CSE1L: variants seen among roughly 807,000 people sequenced by gnomAD.
CSE1L encodes the protein exportin-2.
A neutral mutation model predicts 120.4 loss-of-function variants in CSE1L; 24 were observed. The ratio of observed to expected loss-of-function variants is 0.20; its 90% CI spans 0.14 to 0.28. The LOEUF (loss-of-function observed/expected upper bound fraction) is 0.28. CSE1L is among the 10% of genes least tolerant of loss of function. CSE1L has a pLI of 1.00. For synonymous variants in CSE1L, 402 were observed against 398.3 expected (o/e 1.01, Z -0.11); for missense variants, 830 against 1,145.2 (o/e 0.72, Z 3.97).
chr20:49,072,881 C>T (rs2091943229), intron 10 of CSE1L, among the ~76,000 whole-genome samples, 184 bp downstream of exon 10: 1 of 152,096 alleles, frequency 6.6e-6, no homozygotes, highest in African/African-American at 2.4e-5. Context: ...AGGGTTTTCT[C>T]ATGGAAATAT....
At chr20:49,086,408 C>T (rs891456416) in intron 16 of CSE1L, among the ~76,000 whole-genome samples, 1 of 132,066 alleles carries the variant, frequency 7.6e-6, no homozygotes, top group African/African-American at 3.0e-5. Context: ...TCTTGTTGCC[C>T]AGGCTGGAGT....
At chr20:49,094,557 C>T (rs557211623) in intron 23 of CSE1L, among the ~76,000 whole-genome samples, 175 bp from the exon 24 acceptor site, 32 of 152,268 alleles carry the variant, frequency 2.1e-4, no homozygotes, top group African/African-American at 6.5e-4. Context: ...ACTAAACTGA[C>T]TTATCTTTAA....
In CSE1L at chr20:49,078,577, C is replaced by A; in HGVS notation, c.1437C>A (p.Val479=). 1 of 1,576,244 alleles carries A rather than the reference C, an allele frequency of 6.3e-7. No homozygotes were observed. Among genetic ancestry groups the A allele is most frequent in the South Asian group, 1.2e-5 (1 of 84,596 alleles). ...LKSANVNEFP[V]LKADGIKYIM... ...TTTATATAGTGAATGAATTTCCTGT[C>A]CTTAAAGCTGACGGTATCAAATATA... is the stretch of plus-strand genomic sequence containing the variant. The change falls in exon 14 of 25, where the codon GTC becomes GTA. Residue 479 remains valine (V), a synonymous_variant. Coordinates refer to ENST00000262982, the MANE Select transcript of CSE1L (RefSeq NM_001316.4).
chr20:49,068,436 A>G (rs1270731420), intron 6 of CSE1L, among the ~76,000 whole-genome samples: 1 of 152,014 alleles, frequency 6.6e-6, no homozygotes, highest in Non-Finnish European at 1.5e-5. Context: ...AAAATACAAA[A>G]AACAAAAACA....
intron 1 of CSE1L, among the ~76,000 whole-genome samples, chr20:49,057,929 G>A (rs2091821824): frequency 6.6e-6 from 1 of 151,980 alleles, no homozygotes. Flanking sequence ...ACCATGCCCG[G>A]CTTCAATTTT....
At chr20:49,047,378 G>C (rs1258579609) in intron 1 of CSE1L, among the ~76,000 whole-genome samples, 1 of 151,980 alleles carries the variant, frequency 6.6e-6, no homozygotes, top group East Asian at 1.9e-4. Context: ...CTTAGCCAGT[G>C]TGGCTTTCTG....
intron 16 of CSE1L, 47 bp from the exon 17 acceptor site, chr20:49,087,962 A>C: frequency 7.6e-7 from 1 of 1,315,958 alleles, no homozygotes; most frequent in East Asian, 2.3e-5. Flanking sequence ...TCTTATTCTG[A>C]AGTTTAACTA....
intron 12 of CSE1L, among the ~76,000 whole-genome samples, chr20:49,076,517 TCTC>T (rs1257403965): frequency 7.6e-6 from 1 of 131,802 alleles, no homozygotes; most frequent in Non-Finnish European, 1.6e-5. Context: ...TGTCCCTCTC[TCTC>T]TTTTTTTTTT....
Position 49,075,505 on chromosome 20 carries a change from A to T in CSE1L, c.1320A>T (p.Lys440Asn). 6.2e-7 allele frequency: 1 copy of T among 1,614,102 alleles called. No homozygotes were observed. The highest frequency in any genetic ancestry group is 8.5e-7 in the Non-Finnish European group (1 of 1,179,964). ...AIYLVTSLAS[K>N]AQTQKHGITQ... ...ACCTAGTGACATCTTTGGCATCAAA[A>T]GCCCAAACACAGAAGGTAAATATTT... The change falls in exon 12 of 25, where the codon AAA (lysine) becomes AAT (asparagine). Residue 440 changes from lysine to asparagine, a missense_variant. By Grantham distance (94) the Lys-to-Asn change is moderately conservative. Transcript: ENST00000262982.
At chr20:49,093,079 G>A (rs891708992) in intron 22 of CSE1L, among the ~76,000 whole-genome samples, 2 of 152,084 alleles carry the variant, frequency 1.3e-5, no homozygotes, top group South Asian at 2.1e-4. Flanking sequence ...AAATTTCTTC[G>A]GGGACAGTTA....
chr20:49,046,651 G>A (rs988116219), intron 1 of CSE1L, among the ~76,000 whole-genome samples: 1 of 152,246 alleles, frequency 6.6e-6, no homozygotes, highest in African/African-American at 2.4e-5. Flanking sequence ...CCCAGGTGCG[G>A]CGACCCCAGG....
chr20:49,086,482 C>T (rs777883947), intron 16 of CSE1L, among the ~76,000 whole-genome samples: 2 of 151,172 alleles, frequency 1.3e-5, no homozygotes, highest in Non-Finnish European at 2.9e-5. Context: ...TCGCCTGCCT[C>T]AGCCTCCCGA....
At chr20:49,077,210 A>C in intron 13 of CSE1L, 146 bp downstream of exon 13, 2 of 527,668 alleles carry the variant, frequency 3.8e-6, no homozygotes, top group Non-Finnish European at 6.4e-6. Context: ...CCCAGGCTGG[A>C]GTGCAGTGGC....
intron 5 of CSE1L, among the ~76,000 whole-genome samples, chr20:49,066,726 G>C (rs190778635): frequency 6.3e-4 from 95 of 151,938 alleles, no homozygotes; most frequent in Middle Eastern, 3.4e-3. Context: ...TAAACTGCTT[G>C]ATCCCTTTAA....
chr20:49,074,644 A>G, intron 10 of CSE1L, 141 bp from the exon 11 acceptor site: 1 of 536,750 alleles, frequency 1.9e-6, no homozygotes, highest in Non-Finnish European at 3.3e-6. Flanking sequence ...ATAATGATTA[A>G]GAGTATATGA....
intron 19 of CSE1L, 37 bp downstream of exon 19, chr20:49,089,783 G>A (rs2092087204): frequency 6.3e-7 from 1 of 1,584,168 alleles, no homozygotes. Flanking sequence ...ATTTTATAAA[G>A]TAGCTTGGAG....
At chr20:49,088,800 C>G (rs1378263972) in intron 17 of CSE1L, among the ~76,000 whole-genome samples, 1 of 152,060 alleles carries the variant, frequency 6.6e-6, no homozygotes, top group East Asian at 1.9e-4. Context: ...ATCTCATGTT[C>G]TGATTGAGTT....
chr20:49,076,047 G>A (rs1173866834), intron 12 of CSE1L, among the ~76,000 whole-genome samples: 1 of 152,136 alleles, frequency 6.6e-6, no homozygotes, highest in Non-Finnish European at 1.5e-5. Context: ...GGTCAGGATG[G>A]TCTCAAATTC....
intron 21 of CSE1L, 113 bp from the exon 22 acceptor site, chr20:49,091,933 T>A (rs760615772): frequency 5.7e-5 from 37 of 650,856 alleles, no homozygotes; most frequent in Non-Finnish European, 9.8e-5. Flanking sequence ...CAGGTATTGA[T>A]GCCACAGCCT....
Sources: allele counts gnomAD v4.1 joint callset (sites outside exome capture counted in the v4.1 genomes callset), GRCh38; gene constraint gnomAD v4.1.1; transcripts MANE v1.5; gene names NCBI Gene and HGNC (gene_info 2026-07-23, HGNC 2026-07-21).